GRIA3: variants seen among roughly 807,000 people sequenced by gnomAD.
GRIA3 encodes the protein glutamate ionotropic receptor AMPA type subunit 3.
A neutral mutation model predicts 63.0 loss-of-function variants in GRIA3; 3 were observed. The ratio of observed to expected loss-of-function variants is 0.05; its 90% CI spans 0.02 to 0.12. GRIA3 has a LOEUF of 0.12. Ranked by LOEUF, GRIA3 falls within the 10% of genes least tolerant of loss-of-function variation. The pLI, the probability that GRIA3 is intolerant of heterozygous loss-of-function variation, is 1.00. For synonymous variants in GRIA3, 274 were observed against 257.9 expected (o/e 1.06, Z -0.60); for missense variants, 347 against 700.9 (o/e 0.50, Z 5.70).
chrX:123,210,637 G>C (rs777344481), intron 2 of GRIA3, among the ~76,000 whole-genome samples: 12 of 111,610 alleles, frequency 1.1e-4, no homozygotes, highest in Non-Finnish European at 1.9e-4. Flanking sequence ...CTGAGGGTCA[G>C]TGAGTTATTT....
chrX:123,479,701 G>T, intron 13 of GRIA3, among the ~76,000 whole-genome samples: 1 of 112,384 alleles, frequency 8.9e-6, no homozygotes, highest in Non-Finnish European at 1.9e-5. Flanking sequence ...AAGACACCCA[G>T]TTAGATCAAA....
intron 10 of GRIA3, among the ~76,000 whole-genome samples, chrX:123,408,332 T>C (rs2040216501): frequency 9.0e-6 from 1 of 111,462 alleles, no homozygotes. Context: ...TACCACCCCA[T>C]CACAACTGAA....
chrX:123,321,945 G>C lies in GRIA3; in HGVS notation c.509-4081G>C, dbSNP rs1055682474. 9.0e-5 allele frequency among the ~76,000 whole-genome samples: 10 copies of C among 111,273 alleles called. No individual in the cohort carries two copies. The East Asian group carries it at 1.7e-3, about 19-fold the overall frequency. On this transcript the variant is annotated intron_variant, in intron 3 of 15. Transcript: ENST00000620443. The stretch of plus-strand genomic sequence containing the variant: ...ACTTGCCCTTAGAGTTACCTCGCTG[G>C]GGGTATGAGGGTTGTGCCTTTCTAT...
chrX:123,416,530 G>A (rs1292906672), intron 10 of GRIA3, among the ~76,000 whole-genome samples: 3 of 112,540 alleles, frequency 2.7e-5, no homozygotes, highest in African/African-American at 9.7e-5. Context: ...GAAAATCCTA[G>A]TGCCTATTTT....
At chrX:123,327,538 A>C (rs749142786) in intron 4 of GRIA3, among the ~76,000 whole-genome samples, 61 of 111,330 alleles carry the variant, frequency 5.5e-4, no homozygotes, top group Non-Finnish European at 1.1e-3. Context: ...ATTAAATATT[A>C]ATAATTTGTC....
chrX:123,255,938 A>G (rs775647440), intron 3 of GRIA3, among the ~76,000 whole-genome samples: 35 of 110,844 alleles, frequency 3.2e-4, no homozygotes, highest in Non-Finnish European at 5.7e-4. Flanking sequence ...AAAGCAGTCT[A>G]TTCTTCAAGA....
At chrX:123,218,056 G>A (rs1318461481) in intron 2 of GRIA3, among the ~76,000 whole-genome samples, 1 of 112,638 alleles carries the variant, frequency 8.9e-6, no homozygotes, top group African/African-American at 3.2e-5. Flanking sequence ...GCAACACATA[G>A]TATGACAAAA....
At chrX:123,232,573 T>C (rs1359383323) in intron 2 of GRIA3, among the ~76,000 whole-genome samples, 1 of 111,440 alleles carries the variant, frequency 9.0e-6, no homozygotes, top group African/African-American at 3.3e-5. Context: ...CTGAACTGTA[T>C]ACGTAAAATT....
At position 123,230,931 on chromosome X, in the gene GRIA3, T is replaced by C. The variant is rs192472660; in HGVS notation, c.269-22372T>C. 3.5e-3 allele frequency among the ~76,000 whole-genome samples: 390 copies of C among 112,299 alleles called. 1 individual carries two copies. Among genetic ancestry groups the C allele is most frequent in the Non-Finnish European group, 6.1e-3 (324 of 53,161 alleles). On this transcript the variant is annotated intron_variant, in intron 2 of 15. Transcript: ENST00000620443. ...TCTCCCTGGTTTAAATACTTCTCTTTATCTCAAACACAAAGAGGATGAAGA... is the reference window on the plus strand; with the variant it reads ...TCTCCCTGGTTTAAATACTTCTCTTCATCTCAAACACAAAGAGGATGAAGA...
chrX:123,283,311 T>G (rs2044597730), intron 3 of GRIA3, among the ~76,000 whole-genome samples: 1 of 111,553 alleles, frequency 9.0e-6, no homozygotes, highest in South Asian at 3.8e-4. Context: ...AGCACAAAAC[T>G]GGGCAGCCAT....
intron 2 of GRIA3, chrX:123,202,567 C>T (rs980270977): frequency 1.9e-6 from 2 of 1,070,705 alleles, no homozygotes; most frequent in African/African-American, 3.7e-5. Flanking sequence ...GAAGTGCCCC[C>T]TTTCCACCCT....
chrX:123,231,589 A>G (rs1469486357), intron 2 of GRIA3, among the ~76,000 whole-genome samples: 1 of 111,806 alleles, frequency 8.9e-6, no homozygotes, highest in African/African-American at 3.3e-5. Flanking sequence ...TAAGTAGAGG[A>G]TGGAATGAAA....
intron 12 of GRIA3, among the ~76,000 whole-genome samples, chrX:123,454,743 C>G (rs1227359258): frequency 1.8e-5 from 2 of 111,737 alleles, no homozygotes; most frequent in East Asian, 5.6e-4. Context: ...TCCATTCTCC[C>G]AGAATAGAGC....
chrX:123,380,964 G>A (rs979426986), intron 5 of GRIA3, among the ~76,000 whole-genome samples: 1 of 111,088 alleles, frequency 9.0e-6, no homozygotes, highest in African/African-American at 3.3e-5. Flanking sequence ...TGGATATGTG[G>A]CATTATTTCT....
At chrX:123,356,077 A>G (rs1172798632) in intron 5 of GRIA3, among the ~76,000 whole-genome samples, 1 of 111,687 alleles carries the variant, frequency 9.0e-6, no homozygotes, top group African/African-American at 3.3e-5. Context: ...TTCTTAAATT[A>G]CATCCATATA....
At chrX:123,454,790 T>G (rs2045752709) in intron 12 of GRIA3, among the ~76,000 whole-genome samples, 2 of 112,130 alleles carry the variant, frequency 1.8e-5, no homozygotes, top group African/African-American at 6.5e-5. Flanking sequence ...AAGAATGTGT[T>G]GACTCTAGCT....
intron 12 of GRIA3, among the ~76,000 whole-genome samples, chrX:123,463,665 A>AAAGG (rs2045812950): frequency 1.0e-4 from 6 of 57,851 alleles, no homozygotes; most frequent in African/African-American, 5.4e-4. Context: ...AGAAAGAAAG[A>AAAGG]AAGAAAGAAA....
At chrX:123,334,795 C>A (rs1232680678) in intron 4 of GRIA3, among the ~76,000 whole-genome samples, 3 of 110,908 alleles carry the variant, frequency 2.7e-5, no homozygotes, top group Non-Finnish European at 3.8e-5. Context: ...TTCAAAAAAT[C>A]AATCTCTCTA....
chrX:123,333,482 C>A (rs1395565423), intron 4 of GRIA3, among the ~76,000 whole-genome samples: 3 of 111,505 alleles, frequency 2.7e-5, no homozygotes, highest in African/African-American at 9.8e-5. Context: ...AACAAAAGTT[C>A]TTTCTTTCTT....
Sources: gnomAD v4.1 joint callset for allele counts (sites outside exome capture counted in the v4.1 genomes callset) on GRCh38, gnomAD v4.1.1 for gene constraint, MANE v1.5 for transcripts, NCBI Gene and HGNC (gene_info 2026-07-23, HGNC 2026-07-21) for gene names.